Variants in ZC3H12D observed in about 807,000 individuals in gnomAD.
ZC3H12D encodes zinc finger CCCH-type containing 12D.
A neutral mutation model predicts 24.2 loss-of-function variants in ZC3H12D; 11 were observed. The ratio of observed to expected loss-of-function variants is 0.46; its 90% CI spans 0.29 to 0.75. The LOEUF (loss-of-function observed/expected upper bound fraction) is 0.75. ZC3H12D is among the 30% of genes least tolerant of loss of function. ZC3H12D has a pLI of 0.11. For synonymous variants in ZC3H12D, 333 were observed against 341.8 expected (o/e 0.97, Z 0.28); for missense variants, 740 against 767.7 (o/e 0.96, Z 0.43).
In ZC3H12D at chr6:149,447,696, T is replaced by G. The variant is rs1467040810; in HGVS notation, c.*2987A>C. 1.3e-5 allele frequency: 2 copies of G among 152,262 alleles called. No homozygotes were observed. The highest frequency in any genetic ancestry group is 6.5e-5 in the Admixed American group (1 of 15,284). 9.4% of individuals were successfully genotyped at this position (152,262 alleles called of 1,614,324 possible). ...TGCAACTAGGAACATTTCATTTACC[T>G]GTCCCATCTATGTTTTTCTGTCACA... On this transcript the variant is annotated 3_prime_UTR_variant, in exon 6 of 6. Coordinates refer to ENST00000409806, the MANE Select transcript of ZC3H12D (RefSeq NM_207360.3).
At chr6:149,453,812 A>G (rs1190649335) in intron 4 of ZC3H12D, among the ~76,000 whole-genome samples, 3 of 152,182 alleles carry the variant, frequency 2.0e-5, no homozygotes, top group African/African-American at 7.2e-5. Flanking sequence ...AAGCTGAGGA[A>G]GGAGGATCCC....
rs1228816070 is a variant in ZC3H12D at position 149,448,411 on chromosome 6, G to A, written c.*2272C>T. The A allele has an allele frequency of 1.3e-5, 2 of 152,062 alleles. No individual in the cohort carries two copies. The highest frequency in any genetic ancestry group is 3.9e-4 in the East Asian group (2 of 5,188). 9.4% of individuals were successfully genotyped at this position (152,062 alleles called of 1,614,324 possible). On this transcript the variant is annotated 3_prime_UTR_variant, in exon 6 of 6. Transcript: ENST00000409806. ...ATAGAAAAAATTAGCTGGACGTGGT[G>A]GCACAACTGTAGTCCCAGCTACTCA...
At chr6:149,458,568 A>G (rs1427076757) in intron 3 of ZC3H12D, among the ~76,000 whole-genome samples, 1 of 152,150 alleles carries the variant, frequency 6.6e-6, no homozygotes, top group Non-Finnish European at 1.5e-5. Flanking sequence ...GTTCATCACT[A>G]TTAGTCCTGC....
chr6:149,477,589 A>G (rs1349513052), intron 1 of ZC3H12D, among the ~76,000 whole-genome samples: 1 of 152,174 alleles, frequency 6.6e-6, no homozygotes. Context: ...CAATTGGTCC[A>G]GCTCTTTCCC....
chr6:149,459,346 A>T (rs1776036515), intron 3 of ZC3H12D, among the ~76,000 whole-genome samples: 1 of 152,218 alleles, frequency 6.6e-6, no homozygotes, highest in Admixed American at 6.5e-5. Context: ...TCTTTCTCAT[A>T]GTTCCAATGT....
At chr6:149,458,113 T>C (rs868149275) in intron 3 of ZC3H12D, among the ~76,000 whole-genome samples, 1 of 122,412 alleles carries the variant, frequency 8.2e-6, no homozygotes, top group African/African-American at 4.5e-5. Context: ...TTCTTTTTCT[T>C]TTTTTTTTTC....
intron 2 of ZC3H12D, among the ~76,000 whole-genome samples, chr6:149,466,141 G>T (rs1371790916): frequency 6.6e-6 from 1 of 152,070 alleles, no homozygotes; most frequent in Non-Finnish European, 1.5e-5. Flanking sequence ...CTTTAAGCCA[G>T]CATGGCTCCC....
At chr6:149,475,101 C>A (rs1776315053) in intron 1 of ZC3H12D, among the ~76,000 whole-genome samples, 1 of 152,158 alleles carries the variant, frequency 6.6e-6, no homozygotes, top group African/African-American at 2.4e-5. Flanking sequence ...CACAGAGGGA[C>A]CACCATGTGA....
At chr6:149,482,497 G>A (rs916667489) in intron 1 of ZC3H12D, among the ~76,000 whole-genome samples, 23 of 152,216 alleles carry the variant, frequency 1.5e-4, no homozygotes, top group African/African-American at 5.3e-4. Context: ...GCCCTGGGAG[G>A]TCACAGGAGC....
chr6:149,459,638 T>A, intron 3 of ZC3H12D: 1 of 717,934 alleles, frequency 1.4e-6, no homozygotes, highest in East Asian at 2.7e-5. Context: ...TGGCAGCTGC[T>A]CCCAGGAGAA....
intron 2 of ZC3H12D, among the ~76,000 whole-genome samples, chr6:149,463,402 T>C (rs535783751): frequency 7.9e-5 from 12 of 152,284 alleles, no homozygotes; most frequent in Non-Finnish European, 1.3e-4. Flanking sequence ...TGTGATGCGT[T>C]GTGATGATTC....
At position 149,465,966 on chromosome 6, in the gene ZC3H12D, G is replaced by A. The variant is rs1041913124; in HGVS notation, c.306-3996C>T. 2.6e-5 allele frequency among the ~76,000 whole-genome samples: 4 copies of A among 151,996 alleles called. No individual in the cohort carries two copies. In the South Asian group the frequency reaches 6.2e-4, roughly 24 times the overall value. On this transcript the variant is annotated intron_variant, in intron 2 of 5. Coordinates refer to ENST00000409806, the MANE Select transcript of ZC3H12D (RefSeq NM_207360.3). ...AACCTTTGTTTTTCAGCACAGACTG[G>A]GCAGGCTGCAAGCCCCTCAGAGAAA...
chr6:149,459,364 G>C (rs1776036717), intron 3 of ZC3H12D, among the ~76,000 whole-genome samples: 1 of 152,240 alleles, frequency 6.6e-6, no homozygotes, highest in Admixed American at 6.5e-5. Flanking sequence ...TGTAATGAAA[G>C]GTGGGGGGAG....
intron 4 of ZC3H12D, among the ~76,000 whole-genome samples, chr6:149,453,855 C>T (rs1462426438): frequency 6.6e-6 from 1 of 152,168 alleles, no homozygotes; most frequent in Non-Finnish European, 1.5e-5. Flanking sequence ...GGCAACAGAG[C>T]TAGACTCTAT....
intron 1 of ZC3H12D, among the ~76,000 whole-genome samples, chr6:149,482,308 C>T (rs1776440193): frequency 6.6e-6 from 1 of 152,266 alleles, no homozygotes; most frequent in Admixed American, 6.5e-5. Context: ...TCCCCCGGGA[C>T]GTGATGGTCT....
At chr6:149,484,755 G>C (rs1210085485) in intron 1 of ZC3H12D, 58 bp downstream of exon 1, 2 of 152,536 alleles carry the variant, frequency 1.3e-5, no homozygotes, top group East Asian at 3.8e-4. Flanking sequence ...TCCACCCCTG[G>C]ACTCAAGTCT....
chr6:149,451,357 C>T lies in ZC3H12D; in HGVS notation c.910G>A (p.Glu304Lys). The change falls in exon 6 of 6, where the codon GAG (glutamate) becomes AAG (lysine). Residue 304 changes from glutamate (E) to lysine (K), a missense_variant. Coordinates refer to ENST00000409806, the MANE Select transcript of ZC3H12D (RefSeq NM_207360.3). ...GGGGCTCTCGGTGGCCGCTGCTCCT[C>T]GGCGCCCGCGCCAGGCCGGGCCCCT... Reference protein sequence around the residue: ...KTGARPGAGAEEQRPPRAPGG... With the variant: ...KTGARPGAGAKEQRPPRAPGG... The T allele has an allele frequency of 6.8e-7, 1 of 1,478,868 alleles. No homozygotes were observed. The highest frequency in any genetic ancestry group is 8.9e-7 in the Non-Finnish European group (1 of 1,123,406). 91.6% of individuals were successfully genotyped at this position (1,478,868 alleles called of 1,614,324 possible). A position where few individuals can be genotyped will look rare whatever the true frequency, so the allele number is the denominator to read the frequency against.
intron 3 of ZC3H12D, among the ~76,000 whole-genome samples, chr6:149,459,995 G>A (rs1776046604): frequency 6.6e-6 from 1 of 152,218 alleles, no homozygotes; most frequent in Admixed American, 6.5e-5. Flanking sequence ...TAACAGAGTT[G>A]AAAAATTCCT....
In ZC3H12D at chr6:149,476,938, G is replaced by C. The variant is rs140792447; in HGVS notation, c.-70-2325C>G. On this transcript the variant is annotated intron_variant, in intron 1 of 5. Coordinates refer to ENST00000409806, the MANE Select transcript of ZC3H12D (RefSeq NM_207360.3). ...CACAGCTGAATCTCAACGTACATGT[G>C]TTGATTGGTGAATGAATGAATGAAT... is the stretch of plus-strand genomic sequence containing the variant. 1.3e-3 allele frequency among the ~76,000 whole-genome samples: 205 copies of C among 152,330 alleles called. 1 individual carries two copies. The highest frequency in any genetic ancestry group is 4.8e-3 in the African/African-American group (199 of 41,552).
Sources: allele counts gnomAD v4.1 joint callset (sites outside exome capture counted in the v4.1 genomes callset), GRCh38; gene constraint gnomAD v4.1.1; transcripts MANE v1.5; gene names NCBI Gene and HGNC (gene_info 2026-07-23, HGNC 2026-07-21).